Variants in NRCAM observed in about 807,000 individuals in gnomAD.
The protein encoded by NRCAM is NgCAM-related cell adhesion molecule.
Under a neutral mutation model 156.5 loss-of-function variants are expected in NRCAM, and 83 were observed. That is an observed-to-expected ratio of 0.53 (90% confidence interval 0.44 to 0.64). The LOEUF (loss-of-function observed/expected upper bound fraction) is 0.64. Among genes scored for constraint, NRCAM ranks in the 30% least tolerant of loss-of-function variants. The probability of loss-of-function intolerance (pLI) is 0.00; values close to 1 mark genes in which losing one functional copy is unlikely to be tolerated. For missense variants in NRCAM, 1,417 were observed against 1,597.3 expected (o/e 0.89, Z 1.92); for synonymous variants, 538 against 563.9 (o/e 0.95, Z 0.65).
chr7:108,155,011 C>T (rs969690492), intron 32 of NRCAM, among the ~76,000 whole-genome samples: 12 of 147,856 alleles, frequency 8.1e-5, no homozygotes, highest in African/African-American at 3.1e-4. Flanking sequence ...GTGAAGTTGC[C>T]ATGTCAAGTT....
At chr7:108,340,682 G>C (rs1220666038) in intron 2 of NRCAM, among the ~76,000 whole-genome samples, 1 of 152,104 alleles carries the variant, frequency 6.6e-6, no homozygotes, top group Non-Finnish European at 1.5e-5. Context: ...AGGAAAACTA[G>C]GAAAAAGCCC....
At position 108,373,857 on chromosome 7, in the gene NRCAM, T is replaced by C. The variant is rs2193246; in HGVS notation, c.-174+25579A>G. ...TAATGATGTTACATGGGAAGTGCCA[T>C]GGCAACCACGTTTATTCTAAATGGG... On this transcript the variant is annotated intron_variant, in intron 2 of 32. Coordinates refer to ENST00000379028, the MANE Select transcript of NRCAM (RefSeq NM_001037132.4). Among the ~76,000 whole-genome samples, 314 of 152,286 alleles carry C rather than the reference T, an allele frequency of 2.1e-3. 1 individual carries two copies. Among genetic ancestry groups the C allele is most frequent in the African/African-American group, 7.3e-3 (302 of 41,570 alleles).
intron 32 of NRCAM, among the ~76,000 whole-genome samples, chr7:108,154,339 C>T (rs1367507999): frequency 6.6e-6 from 1 of 152,060 alleles, no homozygotes; most frequent in Non-Finnish European, 1.5e-5. Flanking sequence ...GTCTTATTTT[C>T]CAATTGCTTG....
chr7:108,159,647 A>G (rs17155081), intron 31 of NRCAM, 106 bp from the exon 32 acceptor site: 93,997 of 796,286 alleles, frequency 0.12, 7,256 homozygotes, highest in African/African-American at 0.31. Context: ...ATAATTCCAT[A>G]CACAAGTAGA....
chr7:108,378,461 T>C (rs984264829), intron 2 of NRCAM, among the ~76,000 whole-genome samples: 8 of 151,808 alleles, frequency 5.3e-5, no homozygotes, highest in Admixed American at 2.6e-4. Flanking sequence ...AGGTTGAGAA[T>C]CATAAAGGAT....
rs539410020 is a variant in NRCAM at position 108,148,434 on chromosome 7, A to C, written c.*1476T>G. On this transcript the variant is annotated 3_prime_UTR_variant, in exon 33 of 33. Coordinates refer to ENST00000379028, the MANE Select transcript of NRCAM (RefSeq NM_001037132.4). ...AAAATTAAACTTGATGCAAGTTATG[A>C]GAAACCAATTTATTGGCAAATGAAA... is the stretch of plus-strand genomic sequence containing the variant. 29 of 152,804 alleles carry C rather than the reference A, an allele frequency of 1.9e-4. No homozygotes were observed. The highest frequency in any genetic ancestry group is 6.5e-4 in the African/African-American group (27 of 41,596). 9.5% of individuals were successfully genotyped at this position (152,804 alleles called of 1,614,324 possible). A position where few individuals can be genotyped will look rare whatever the true frequency, so the allele number is the denominator to read the frequency against.
At chr7:108,391,940 T>G (rs549451524) in intron 2 of NRCAM, among the ~76,000 whole-genome samples, 1 of 152,346 alleles carries the variant, frequency 6.6e-6, no homozygotes, top group East Asian at 1.9e-4. Context: ...TGCCGAGAGA[T>G]CCGCTGTTAG....
intron 20 of NRCAM, among the ~76,000 whole-genome samples, chr7:108,187,802 A>G (rs1198158708): frequency 6.6e-6 from 1 of 152,110 alleles, no homozygotes; most frequent in African/African-American, 2.4e-5. Context: ...ATACAAAAAA[A>G]AAAGTAGCCG....
chr7:108,436,632 T>A (rs1164160354), intron 1 of NRCAM, among the ~76,000 whole-genome samples: 1 of 152,222 alleles, frequency 6.6e-6, no homozygotes, highest in African/African-American at 2.4e-5. Context: ...AACAAAATTT[T>A]AGTAAAGATA....
Position 108,147,879 on chromosome 7 carries a change from G to A in NRCAM, c.*2031C>T, listed in dbSNP as rs1206447350. On this transcript the variant is annotated 3_prime_UTR_variant, in exon 33 of 33. Transcript: ENST00000379028. ...ATTTCGCATCTACCAGTATGGAAGA[G>A]GAAAAAATGTAGTTTTATTGTTCTC... The A allele has an allele frequency of 1.3e-5, 2 of 152,556 alleles. No individual in the cohort carries two copies. Among genetic ancestry groups the A allele is most frequent in the South Asian group, 2.1e-4 (1 of 4,826 alleles). 9.5% of individuals were successfully genotyped at this position (152,556 alleles called of 1,614,324 possible).
intron 30 of NRCAM, among the ~76,000 whole-genome samples, chr7:108,166,525 G>T (rs2054409557): frequency 6.6e-6 from 1 of 152,124 alleles, no homozygotes; most frequent in African/African-American, 2.4e-5. Context: ...TAGGATTACA[G>T]GCGTGAGCTA....
intron 2 of NRCAM, among the ~76,000 whole-genome samples, chr7:108,362,842 G>GA (rs2099568283): frequency 2.0e-5 from 3 of 151,904 alleles, no homozygotes; most frequent in East Asian, 3.9e-4. Flanking sequence ...TCTGTTTGCT[G>GA]AAAAAAAACT....
At chr7:108,191,979 A>T in intron 17 of NRCAM, 126 bp from the exon 18 acceptor site, 1 of 993,812 alleles carries the variant, frequency 1.0e-6, no homozygotes, top group Non-Finnish European at 1.5e-6. Flanking sequence ...TTCAAAAGTT[A>T]GAGCAAAATA....
intron 3 of NRCAM, among the ~76,000 whole-genome samples, chr7:108,269,903 G>A (rs1009686868): frequency 1.3e-5 from 2 of 152,176 alleles, no homozygotes; most frequent in African/African-American, 4.8e-5. Context: ...AAAAGGTTTT[G>A]GAAGGCTAGA....
chr7:108,232,303 T>C (rs779950904), intron 7 of NRCAM, 23 bp downstream of exon 7: 2 of 1,559,726 alleles, frequency 1.3e-6, no homozygotes, highest in Non-Finnish European at 1.7e-6. Flanking sequence ...AAGGGTCATG[T>C]TGGTTGACAA....
At chr7:108,175,886 C>T (rs189221246) in intron 27 of NRCAM, among the ~76,000 whole-genome samples, 2 of 152,056 alleles carry the variant, frequency 1.3e-5, no homozygotes, top group Admixed American at 6.5e-5. Context: ...TTTGTACATA[C>T]CAAAATGCAA....
At chr7:108,418,583 ACACAC>A (rs1563722391) in intron 1 of NRCAM, among the ~76,000 whole-genome samples, 1 of 151,512 alleles carries the variant, frequency 6.6e-6, no homozygotes, top group Non-Finnish European at 1.5e-5. Flanking sequence ...ACACACACAC[ACACAC>A]ACACACACAC....
At chr7:108,294,829 G>A (rs1554472998) in intron 3 of NRCAM, among the ~76,000 whole-genome samples, 1 of 152,148 alleles carries the variant, frequency 6.6e-6, no homozygotes, top group Non-Finnish European at 1.5e-5. Context: ...GACATGCTTA[G>A]TTTATACTTC....
At chr7:108,160,226 C>T in intron 31 of NRCAM, 135 bp downstream of exon 31, 1 of 789,638 alleles carries the variant, frequency 1.3e-6, no homozygotes, top group Non-Finnish European at 2.0e-6. Flanking sequence ...GATCAAAAGT[C>T]ATTTGAAGAG....
Sources: gnomAD v4.1 joint callset for allele counts (sites outside exome capture counted in the v4.1 genomes callset) on GRCh38, gnomAD v4.1.1 for gene constraint, MANE v1.5 for transcripts, NCBI Gene and HGNC (gene_info 2026-07-23, HGNC 2026-07-21) for gene names.